Variants in HLA-DMB observed in about 807,000 individuals in gnomAD.
HLA-DMB encodes major histocompatibility complex, class II, DM beta.
A neutral mutation model predicts 29.3 loss-of-function variants in HLA-DMB; 18 were observed. That is an observed-to-expected ratio of 0.62 (90% CI 0.43 to 0.91). The LOEUF is 0.91. Among genes scored for constraint, HLA-DMB ranks in the 40% least tolerant of loss-of-function variants. HLA-DMB has a pLI of 0.00. For missense variants in HLA-DMB, 258 were observed against 320.9 expected (o/e 0.80, Z 1.50); for synonymous variants, 143 against 128.7 (o/e 1.11, Z -0.75).
intron 3 of HLA-DMB, chr6:32,936,011 A>G (rs1015583685): frequency 1.9e-5 from 5 of 258,698 alleles, no homozygotes; most frequent in Non-Finnish European, 3.0e-5. Context: ...CACGGTAACA[A>G]TGTTTGCTTC....
Position 32,937,567 on chromosome 6 carries a change from A to T in HLA-DMB, c.338-111T>A. 6.1e-6 allele frequency: 6 copies of T among 975,820 alleles called. 1 individual carries two copies. The South Asian group carries it at 9.4e-5, about 15-fold the overall frequency. 60.4% of individuals were successfully genotyped at this position (975,820 alleles called of 1,614,324 possible). A position where few individuals can be genotyped will look rare whatever the true frequency, so the allele number is the denominator to read the frequency against. On this transcript the variant is annotated intron_variant, in intron 2 of 5. Coordinates refer to ENST00000418107, the MANE Select transcript of HLA-DMB (RefSeq NM_002118.5). This position sits in a 1 kb window ranked among gnomAD's most constrained non-coding sequence, Gnocchi z 4.1. ...TCGTAGATTTTGCAACCCACTTTCC[A>T]CCCCAGCCCCCTCTGCCATGCTGCC...
intron 4 of HLA-DMB, 22 bp downstream of exon 4, chr6:32,935,514 G>T: frequency 6.3e-7 from 1 of 1,579,792 alleles, no homozygotes; most frequent in Non-Finnish European, 8.7e-7. Flanking sequence ...GAGTGGGGAT[G>T]GGAGTTCAGC....
In HLA-DMB at chr6:32,934,935, C is replaced by T. The variant is rs772783915; in HGVS notation, c.*36G>A. On this transcript the variant is annotated 3_prime_UTR_variant, in exon 6 of 6. Transcript: ENST00000418107. Reference sequence around the variant, plus strand: ...GGTAGCATCATTGAGTTTGAATCTCCTTCTCACTTGGAGTGGAAGTTGTAG... The same window carrying T: ...GGTAGCATCATTGAGTTTGAATCTCTTTCTCACTTGGAGTGGAAGTTGTAG... The T allele has an allele frequency of 3.1e-6, 5 of 1,604,636 alleles. No individual in the cohort carries two copies. The highest frequency in any genetic ancestry group is 1.3e-5 in the African/African-American group (1 of 74,838).
Position 32,937,556 on chromosome 6 carries a change from AC to A in HLA-DMB, c.338-101del. On this transcript the variant is annotated intron_variant, in intron 2 of 5. Transcript: ENST00000418107. This position sits in a 1 kb window ranked among gnomAD's most constrained non-coding sequence, Gnocchi z 4.1. ...ATCGCAACTCTTCGTAGATTTTGCA[AC>A]CCACTTTCCACCCCAGCCCCCTCTG... 1 of 1,208,580 alleles carries A rather than the reference AC, an allele frequency of 8.3e-7. No homozygotes were observed. The highest frequency in any genetic ancestry group is 1.2e-6 in the Non-Finnish European group (1 of 849,612). 74.9% of individuals were successfully genotyped at this position (1,208,580 alleles called of 1,614,324 possible). A position where few individuals can be genotyped will look rare whatever the true frequency, so the allele number is the denominator to read the frequency against.
At position 32,937,514 on chromosome 6, in the gene HLA-DMB, A is replaced by G; in HGVS notation, c.338-58T>C. The G allele has an allele frequency of 6.5e-6, 10 of 1,533,802 alleles. No individual in the cohort carries two copies. Among genetic ancestry groups the G allele is most frequent in the Non-Finnish European group, 8.9e-6 (10 of 1,125,232 alleles). On this transcript the variant is annotated intron_variant, in intron 2 of 5. Transcript: ENST00000418107. The surrounding 1 kb of genome is among the most constrained non-coding windows in gnomAD (Gnocchi z 4.1). The stretch of plus-strand genomic sequence containing the variant: ...AGGGTGACATTCTGGCTGCTTCCTC[A>G]ACCTGGTTTCTTCCCTATCGCAACT...
chr6:32,934,896 T>A lies in HLA-DMB; in HGVS notation c.*75A>T, dbSNP rs573077666. 5 of 1,360,080 alleles carry A rather than the reference T, an allele frequency of 3.7e-6. No homozygotes were observed. Among genetic ancestry groups the A allele is most frequent in the Non-Finnish European group, 5.3e-6 (5 of 950,158 alleles). The allele number at this position is 1,360,080 out of a possible 1,614,324, so 84.3% of individuals were successfully genotyped here. ...CAAGATAATGTCAGGGGGTTGAAGATGTTGGAGAGGCATGGTAGCATCATT... is the reference window on the plus strand; with the variant it reads ...CAAGATAATGTCAGGGGGTTGAAGAAGTTGGAGAGGCATGGTAGCATCATT... On this transcript the variant is annotated 3_prime_UTR_variant, in exon 6 of 6. Coordinates refer to ENST00000418107, the MANE Select transcript of HLA-DMB (RefSeq NM_002118.5).
intron 2 of HLA-DMB, 129 bp downstream of exon 2, chr6:32,938,555 A>C: frequency 2.1e-6 from 2 of 953,762 alleles, no homozygotes; most frequent in Non-Finnish European, 2.9e-6. Context: ...GTCTTTCTAC[A>C]TTTCAGATCC....
Position 32,938,767 on chromosome 6 carries a change from G to T in HLA-DMB, c.254C>A (p.Thr85Asn), listed in dbSNP as rs754838716. Residue 85 changes from threonine (T) to asparagine (N), a missense_variant, in exon 2 of 6, where the codon ACC (threonine) becomes AAC (asparagine). Transcript: ENST00000418107. ...CCCATTGCGCAAGCGCTGCATCAGGGTGTCTTTTTGGTTGAGGTGCTGTGA... is the reference window on the plus strand; with the variant it reads ...CCCATTGCGCAAGCGCTGCATCAGGTTGTCTTTTTGGTTGAGGTGCTGTGA... ...VLSQHLNQKD[T>N]LMQRLRNGLQ... 7 of 1,607,238 alleles carry T rather than the reference G, an allele frequency of 4.4e-6. No individual in the cohort carries two copies. The highest frequency in any genetic ancestry group is 1.3e-5 in the African/African-American group (1 of 74,592).
rs867799361 is a variant in HLA-DMB at position 32,937,414 on chromosome 6, G to A, written c.380C>T (p.Thr127Met). 6.8e-6 allele frequency: 11 copies of A among 1,614,126 alleles called. No homozygotes were observed. Among genetic ancestry groups the A allele is most frequent in the South Asian group, 1.1e-5 (1 of 91,084 alleles). The change falls in exon 3 of 6, where the codon ACG becomes ATG. Residue 127 changes from threonine (T) to methionine (M), a missense_variant. By Grantham distance (81) the Thr-to-Met change is moderately conservative. Coordinates refer to ENST00000418107, the MANE Select transcript of HLA-DMB (RefSeq NM_002118.5). This position sits in a 1 kb window ranked among gnomAD's most constrained non-coding sequence, Gnocchi z 4.1. ...VQVAKTTPFN[T>M]REPVMLACYV... is the part of the protein sequence containing the mutation. Reference sequence around the variant, plus strand: ...GCAGGCCAGCATCACAGGCTCCCTCGTGTTAAAAGGAGTGGTTTTGGCTAC... The same window carrying A: ...GCAGGCCAGCATCACAGGCTCCCTCATGTTAAAAGGAGTGGTTTTGGCTAC...
intron 1 of HLA-DMB, among the ~76,000 whole-genome samples, chr6:32,940,108 A>T (rs929348137): frequency 6.6e-6 from 1 of 152,116 alleles, no homozygotes; most frequent in African/African-American, 2.4e-5. Flanking sequence ...TATAGAAGAA[A>T]AAAAGTTGAT....
chr6:32,935,746 T>A (rs1015967758), intron 3 of HLA-DMB, 94 bp from the exon 4 acceptor site: 5 of 810,148 alleles, frequency 6.2e-6, no homozygotes, highest in Non-Finnish European at 1.0e-5. Context: ...GGTTAAAAGG[T>A]CCTTTATCCC....
intron 3 of HLA-DMB, chr6:32,936,898 G>A (rs1410733555): frequency 2.1e-5 from 7 of 330,710 alleles, no homozygotes; most frequent in Non-Finnish European, 3.3e-5. Flanking sequence ...CACCACCAGA[G>A]CAGCAATAGC....
rs2127472663 is a variant in HLA-DMB, at chr6:32,940,935, A to G, written c.-128T>C. The G allele has an allele frequency of 1.6e-6, 1 of 644,782 alleles. No homozygotes were observed. The highest frequency in any genetic ancestry group is 2.8e-5 in the East Asian group (1 of 35,848). 39.9% of individuals were successfully genotyped at this position (644,782 alleles called of 1,614,324 possible). A position where few individuals can be genotyped will look rare whatever the true frequency, so the allele number is the denominator to read the frequency against. ...CTCCAGACACTGAGCAGAATACTAT[A>G]TTGCCCGGGTCCCTTGACCCCCCAA... On this transcript the variant is annotated 5_prime_UTR_variant, in exon 1 of 6. Coordinates refer to ENST00000418107, the MANE Select transcript of HLA-DMB (RefSeq NM_002118.5).
intron 5 of HLA-DMB, 43 bp from the exon 6 acceptor site, chr6:32,935,030 C>T (rs1484873605): frequency 2.5e-6 from 4 of 1,611,180 alleles, no homozygotes; most frequent in Non-Finnish European, 3.4e-6. Context: ...TTCAACCCAA[C>T]TTGCCCCCAT....
At chr6:32,939,911 G>C (rs2127471456) in intron 1 of HLA-DMB, among the ~76,000 whole-genome samples, 1 of 152,208 alleles carries the variant, frequency 6.6e-6, no homozygotes, top group African/African-American at 2.4e-5. Flanking sequence ...ACTTGTGATT[G>C]GTGTCTGAAA....
At chr6:32,939,751 A>G (rs1582819512) in intron 1 of HLA-DMB, among the ~76,000 whole-genome samples, 1 of 152,218 alleles carries the variant, frequency 6.6e-6, no homozygotes, top group Admixed American at 6.5e-5. Flanking sequence ...CAATTAAAAT[A>G]TCCTTTGTAA....
chr6:32,935,600 A>G lies in HLA-DMB; in HGVS notation c.675T>C (p.Thr225=). ...QTLKVSVSAV[T]LGLGLIIFSL... ...AGAAGATGATGAGGCCCAGGCCCAG[A>G]GTCACTGCAGACACAGAAACCTTCA... Residue 225 remains threonine, a synonymous_variant, in exon 4 of 6, where the codon ACT becomes ACC. Coordinates refer to ENST00000418107, the MANE Select transcript of HLA-DMB (RefSeq NM_002118.5). 1 of 1,613,044 alleles carries G rather than the reference A, an allele frequency of 6.2e-7. No individual in the cohort carries two copies.
chr6:32,935,749 T>C, intron 3 of HLA-DMB, 97 bp from the exon 4 acceptor site: 2 of 785,438 alleles, frequency 2.5e-6, no homozygotes, highest in Non-Finnish European at 4.4e-6. Flanking sequence ...TAAAAGGTCC[T>C]TTATCCCAGC....
Position 32,934,887 on chromosome 6 carries a change from G to T in HLA-DMB, c.*84C>A. On this transcript the variant is annotated 3_prime_UTR_variant, in exon 6 of 6. Transcript: ENST00000418107. The stretch of plus-strand genomic sequence containing the variant: ...CATAGGATCCAAGATAATGTCAGGG[G>T]GTTGAAGATGTTGGAGAGGCATGGT... The T allele has an allele frequency of 7.9e-7, 1 of 1,262,750 alleles. No homozygotes were observed. The highest frequency in any genetic ancestry group is 1.5e-5 in the African/African-American group (1 of 68,066). 78.2% of individuals were successfully genotyped at this position (1,262,750 alleles called of 1,614,324 possible). A position where few individuals can be genotyped will look rare whatever the true frequency, so the allele number is the denominator to read the frequency against.
Sources: allele counts gnomAD v4.1 joint callset (sites outside exome capture counted in the v4.1 genomes callset), GRCh38; gene constraint gnomAD v4.1.1; non-coding constraint Gnocchi (gnomAD v3.1); transcripts MANE v1.5; gene names NCBI Gene and HGNC (gene_info 2026-07-23, HGNC 2026-07-21).